Variants in RPS6KA6 observed in about 807,000 individuals in gnomAD.
The protein encoded by RPS6KA6 is ribosomal protein S6 kinase A6, also known as ribosomal protein S6 kinase alpha-6.
A neutral mutation model predicts 65.4 loss-of-function variants in RPS6KA6; 27 were observed. That is an observed-to-expected ratio of 0.41 (90% confidence interval 0.30 to 0.57). The LOEUF (loss-of-function observed/expected upper bound fraction) is 0.57, where lower values mean the gene tolerates loss of function less well. Ranked by LOEUF, RPS6KA6 falls within the 20% of genes least tolerant of loss-of-function variation. RPS6KA6 has a pLI of 0.24. For missense variants in RPS6KA6, 486 were observed against 555.6 expected (o/e 0.87, Z 1.26); for synonymous variants, 190 against 184.2 (o/e 1.03, Z -0.26).
chrX:84,069,893 T>A (rs1050253499), intron 20 of RPS6KA6, among the ~76,000 whole-genome samples: 28 of 111,763 alleles, frequency 2.5e-4, no homozygotes, highest in African/African-American at 9.1e-4. Flanking sequence ...TGGTGATCAT[T>A]AAAAAGTCAG....
Position 84,063,475 on chromosome X carries a change from G to A in RPS6KA6, c.*802C>T, listed in dbSNP as rs1267798120. On this transcript the variant is annotated 3_prime_UTR_variant, in exon 22 of 22. Transcript: ENST00000262752. ...AACACCACATACTTCATTTTCAAAG[G>A]CTTAACTATGACCTATTTATAAGAT... 9.0e-6 allele frequency: 1 copy of A among 110,811 alleles called. No homozygotes were observed. Among genetic ancestry groups the A allele is most frequent in the East Asian group, 2.8e-4 (1 of 3,545 alleles). The allele number at this position is 110,811 out of a possible 1,213,427, so 9.1% of individuals were successfully genotyped here.
intron 20 of RPS6KA6, among the ~76,000 whole-genome samples, chrX:84,085,008 CCTG>C (rs1290466206): frequency 6.3e-5 from 7 of 111,125 alleles, no homozygotes; most frequent in Non-Finnish European, 9.4e-5. Flanking sequence ...TCTCCGCTTG[CCTG>C]TTGTTGGGGC....
chrX:84,166,297 ACTAT>A (rs1344564814), intron 1 of RPS6KA6, among the ~76,000 whole-genome samples: 1 of 112,055 alleles, frequency 8.9e-6, no homozygotes, highest in African/African-American at 3.2e-5. Context: ...CCAAAGTTGA[ACTAT>A]CTGACAAGAA....
chrX:84,095,139 T>C (rs1242986983), intron 20 of RPS6KA6, among the ~76,000 whole-genome samples: 5 of 111,968 alleles, frequency 4.5e-5, no homozygotes, highest in Non-Finnish European at 9.4e-5. Flanking sequence ...GTTTTTCTAA[T>C]GTTTAAAAGT....
intron 3 of RPS6KA6, among the ~76,000 whole-genome samples, chrX:84,150,978 GAT>G (rs1180965431): frequency 9.3e-5 from 8 of 86,340 alleles, no homozygotes; most frequent in African/African-American, 2.9e-4. Flanking sequence ...ATATATATAG[GAT>G]ATATATATAG....
intron 3 of RPS6KA6, among the ~76,000 whole-genome samples, chrX:84,150,835 G>GGATAT (rs1449347936): frequency 4.2e-5 from 4 of 94,876 alleles, no homozygotes; most frequent in Non-Finnish European, 8.2e-5. Flanking sequence ...ATATAGAGAG[G>GGATAT]ATATATATAG....
chrX:84,140,876 T>C (rs1447222187), intron 6 of RPS6KA6, among the ~76,000 whole-genome samples: 1 of 108,628 alleles, frequency 9.2e-6, no homozygotes, highest in Non-Finnish European at 1.9e-5. Flanking sequence ...AGGACTGAGA[T>C]AGCTCCTCTT....
chrX:84,080,214 G>C (rs2033762459), intron 20 of RPS6KA6, among the ~76,000 whole-genome samples: 2 of 103,333 alleles, frequency 1.9e-5, no homozygotes, highest in African/African-American at 7.0e-5. Flanking sequence ...GCCTCTGCTG[G>C]TGATACCCAG....
chrX:84,079,185 C>T (rs961736046), intron 20 of RPS6KA6, among the ~76,000 whole-genome samples: 1 of 110,782 alleles, frequency 9.0e-6, no homozygotes, highest in Non-Finnish European at 1.9e-5. Context: ...GAGGGTGGGG[C>T]ATCGCCTCAC....
rs1414269511 is a variant in RPS6KA6 at position 84,064,120 on chromosome X, A to G, written c.*157T>C. On this transcript the variant is annotated 3_prime_UTR_variant, in exon 22 of 22. Coordinates refer to ENST00000262752, the MANE Select transcript of RPS6KA6 (RefSeq NM_014496.5). ...ATAGTATGAATATTGTGGACCTGTGAATGGTTTTTTAAATCTCACTTCCCC... is the reference window on the plus strand; with the variant it reads ...ATAGTATGAATATTGTGGACCTGTGGATGGTTTTTTAAATCTCACTTCCCC... 3.7e-5 allele frequency: 21 copies of G among 564,281 alleles called. No homozygotes were observed. In the East Asian group the frequency reaches 7.8e-4, roughly 21 times the overall value. The allele number at this position is 564,281 out of a possible 1,213,427, so 46.5% of individuals were successfully genotyped here. A position where few individuals can be genotyped will look rare whatever the true frequency, so the allele number is the denominator to read the frequency against.
chrX:84,138,794 T>C (rs1172117129), intron 6 of RPS6KA6, among the ~76,000 whole-genome samples: 1 of 46,847 alleles, frequency 2.1e-5, no homozygotes, highest in Non-Finnish European at 4.2e-5. Flanking sequence ...TTTGTTTACC[T>C]GTGTATTTGT....
chrX:84,101,364 T>G (rs1480218052), intron 18 of RPS6KA6, among the ~76,000 whole-genome samples: 1 of 110,999 alleles, frequency 9.0e-6, no homozygotes, highest in Non-Finnish European at 1.9e-5. Context: ...GAATGAATGT[T>G]ACAGCTTCCC....
At chrX:84,181,113 G>A in intron 1 of RPS6KA6, among the ~76,000 whole-genome samples, 1 of 111,372 alleles carries the variant, frequency 9.0e-6, no homozygotes. Context: ...AATTTGTATT[G>A]GGTGTTTAAA....
chrX:84,097,981 T>G (rs2034189554), intron 18 of RPS6KA6, 133 bp from the exon 19 acceptor site: 1 of 462,033 alleles, frequency 2.2e-6, no homozygotes, highest in Non-Finnish European at 3.8e-6. Flanking sequence ...GCACTTGTAG[T>G]AAAGACATAA....
chrX:84,083,088 C>A (rs1012036918), intron 20 of RPS6KA6, among the ~76,000 whole-genome samples: 1 of 112,092 alleles, frequency 8.9e-6, no homozygotes, highest in Non-Finnish European at 1.9e-5. Context: ...AAAGCCAAAA[C>A]TGACAAATGG....
chrX:84,164,493 A>C (rs755212713), intron 1 of RPS6KA6, 106 bp from the exon 2 acceptor site: 8 of 523,703 alleles, frequency 1.5e-5, no homozygotes, highest in African/African-American at 2.4e-5. Flanking sequence ...AACAAGATCC[A>C]CACTTACTGA....
chrX:84,110,039 T>C (rs762730614), intron 12 of RPS6KA6, among the ~76,000 whole-genome samples: 4 of 111,324 alleles, frequency 3.6e-5, no homozygotes, highest in African/African-American at 9.8e-5. Context: ...GCATTACCCA[T>C]TGGCAAACAG....
At chrX:84,177,646 T>C (rs779068117) in intron 1 of RPS6KA6, among the ~76,000 whole-genome samples, 6 of 112,123 alleles carry the variant, frequency 5.4e-5, no homozygotes, top group Non-Finnish European at 1.1e-4. Context: ...TATTCTCATA[T>C]TTCCTCTTTC....
intron 20 of RPS6KA6, among the ~76,000 whole-genome samples, chrX:84,094,408 C>T (rs1016816743): frequency 2.8e-5 from 3 of 108,234 alleles, no homozygotes; most frequent in Non-Finnish European, 5.7e-5. Flanking sequence ...TTTGGGAGGC[C>T]GAGGCAGGCG....
Sources: gnomAD v4.1 joint callset for allele counts (sites outside exome capture counted in the v4.1 genomes callset) on GRCh38, gnomAD v4.1.1 for gene constraint, MANE v1.5 for transcripts, NCBI Gene and HGNC (gene_info 2026-07-23, HGNC 2026-07-21) for gene names.